ARSB: variants seen among roughly 807,000 people sequenced by gnomAD.
The protein encoded by ARSB is arylsulfatase B.
ARSB carries 41 observed loss-of-function variants against 50.9 expected under a neutral mutation model. That is an observed-to-expected ratio of 0.81 (90% CI 0.63 to 1.04). The LOEUF (loss-of-function observed/expected upper bound fraction) is 1.04. ARSB is among the 50% of genes least tolerant of loss of function. The pLI is 0.00. For missense variants in ARSB, 672 were observed against 693.3 expected (o/e 0.97, Z 0.35); for synonymous variants, 269 against 284.8 (o/e 0.94, Z 0.56).
At chr5:78,880,671 T>G (rs963629163) in intron 5 of ARSB, among the ~76,000 whole-genome samples, 1 of 152,200 alleles carries the variant, frequency 6.6e-6, no homozygotes, top group African/African-American at 2.4e-5. Context: ...ATTTTTACCA[T>G]GAAGTGGGCA....
chr5:78,872,915 G>A (rs554054749), intron 5 of ARSB, among the ~76,000 whole-genome samples: 1 of 151,458 alleles, frequency 6.6e-6, no homozygotes, highest in African/African-American at 2.4e-5. Context: ...GTAAATGAAA[G>A]TGTCCAAATC....
chr5:78,822,680 C>T (rs1407163322), intron 6 of ARSB, among the ~76,000 whole-genome samples: 2 of 152,166 alleles, frequency 1.3e-5, no homozygotes, highest in Non-Finnish European at 2.9e-5. Context: ...CTCTGTCACC[C>T]AGGCTGGAGT....
At chr5:78,881,700 A>G (rs1187348626) in intron 5 of ARSB, among the ~76,000 whole-genome samples, 1 of 152,262 alleles carries the variant, frequency 6.6e-6, no homozygotes, top group African/African-American at 2.4e-5. Flanking sequence ...GAAGATGAGC[A>G]CTTTCTACAC....
chr5:78,948,744 G>T (rs375840921), intron 4 of ARSB, among the ~76,000 whole-genome samples: 12 of 152,090 alleles, frequency 7.9e-5, no homozygotes, highest in African/African-American at 2.9e-4. Context: ...ATTCCTCCTA[G>T]TGAGGAGGAT....
chr5:78,855,142 C>A (rs559687204), intron 5 of ARSB, among the ~76,000 whole-genome samples: 1 of 152,290 alleles, frequency 6.6e-6, no homozygotes, highest in African/African-American at 2.4e-5. Flanking sequence ...TGCTCTGTTT[C>A]CCTGGGACAC....
chr5:78,931,691 A>G (rs1285079235), intron 4 of ARSB, among the ~76,000 whole-genome samples: 1 of 152,004 alleles, frequency 6.6e-6, no homozygotes, highest in Admixed American at 6.5e-5. Flanking sequence ...GACTCTACAA[A>G]ATTTCATTAT....
At position 78,853,539 on chromosome 5, in the gene ARSB, G is replaced by A. The variant is rs200403875; in HGVS notation, c.1143-14113C>T. On this transcript the variant is annotated intron_variant, in intron 5 of 7. Coordinates refer to ENST00000264914, the MANE Select transcript of ARSB (RefSeq NM_000046.5). ...ACCCACTTGAGGAGGCAGTCTGCCCGTTCTCAGATCTCCAGCTGCGTGCTG... is the reference window on the plus strand; with the variant it reads ...ACCCACTTGAGGAGGCAGTCTGCCCATTCTCAGATCTCCAGCTGCGTGCTG... Among the ~76,000 whole-genome samples, 44 of 152,332 alleles carry A rather than the reference G, an allele frequency of 2.9e-4. No homozygotes were observed. The East Asian group carries it at 3.9e-3, about 13-fold the overall frequency.
intron 4 of ARSB, among the ~76,000 whole-genome samples, chr5:78,907,476 C>G (rs778389663): frequency 7.2e-5 from 11 of 152,160 alleles, no homozygotes; most frequent in Non-Finnish European, 1.6e-4. Context: ...ATACAAAACT[C>G]TCAGTAACTG....
At chr5:78,896,874 TA>T (rs919855030) in intron 4 of ARSB, among the ~76,000 whole-genome samples, 2 of 151,750 alleles carry the variant, frequency 1.3e-5, no homozygotes, top group Non-Finnish European at 2.9e-5. Flanking sequence ...TATGTCTAAT[TA>T]AAAAAAATAA....
At chr5:78,974,497 T>C (rs1156324459) in intron 1 of ARSB, among the ~76,000 whole-genome samples, 2 of 152,152 alleles carry the variant, frequency 1.3e-5, no homozygotes, top group African/African-American at 2.4e-5. Flanking sequence ...TGAAGAAAGC[T>C]GAGGGAAAGG....
In ARSB at chr5:78,966,753, C is replaced by T. The variant is rs370369480; in HGVS notation, c.500-2147G>A. 7.2e-5 allele frequency among the ~76,000 whole-genome samples: 11 copies of T among 152,240 alleles called. No homozygotes were observed. The South Asian group carries it at 2.3e-3, about 32-fold the overall frequency. On this transcript the variant is annotated intron_variant, in intron 2 of 7. Coordinates refer to ENST00000264914, the MANE Select transcript of ARSB (RefSeq NM_000046.5). ...ACAATTCAAAATATCTACAGCCCATCCTCTTCCCAGAGTATAGATATTGAC... is the reference window on the plus strand; with the variant it reads ...ACAATTCAAAATATCTACAGCCCATTCTCTTCCCAGAGTATAGATATTGAC...
chr5:78,916,599 G>C (rs532789161), intron 4 of ARSB, among the ~76,000 whole-genome samples: 1 of 152,230 alleles, frequency 6.6e-6, no homozygotes, highest in East Asian at 1.9e-4. Flanking sequence ...ACATCAATTT[G>C]TTCTGCAGAT....
chr5:78,938,182 G>A (rs1750726163), intron 4 of ARSB, among the ~76,000 whole-genome samples: 1 of 152,208 alleles, frequency 6.6e-6, no homozygotes, highest in South Asian at 2.1e-4. Context: ...ACCATCCCCA[G>A]CCCTGGAACC....
intron 4 of ARSB, among the ~76,000 whole-genome samples, chr5:78,906,482 T>C (rs946553235): frequency 4.6e-5 from 7 of 152,204 alleles, no homozygotes; most frequent in Non-Finnish European, 2.9e-5. Context: ...CATAATTCCA[T>C]TGGCTCTTAG....
chr5:78,793,475 G>C lies in ARSB; in HGVS notation c.1214-11501C>G, dbSNP rs145154699. 4.1e-3 allele frequency among the ~76,000 whole-genome samples: 629 copies of C among 152,274 alleles called. 5 individuals are homozygous for C. The highest frequency in any genetic ancestry group is 0.014 in the African/African-American group (597 of 41,542). ...AATAGATTTTATAGCTAAATCAAAT[G>C]TTTATGAGCATGGATGTACGCAGTT... On this transcript the variant is annotated intron_variant, in intron 6 of 7. Transcript: ENST00000264914.
At chr5:78,799,100 A>G (rs749398027) in intron 6 of ARSB, among the ~76,000 whole-genome samples, 15 of 152,224 alleles carry the variant, frequency 9.9e-5, no homozygotes, top group South Asian at 4.1e-4. Flanking sequence ...TCTCTTTCCA[A>G]TGAAAACTGG....
At chr5:78,781,323 C>CTTTTTTTTTTTTTTTTT (rs376851173) in intron 7 of ARSB, among the ~76,000 whole-genome samples, 7 of 75,320 alleles carry the variant, frequency 9.3e-5, no homozygotes, top group African/African-American at 1.8e-4. Context: ...CTCTCTCTCT[C>CTTTTTTTTTTTTTTTTT]TTTTTTTTTT....
chr5:78,879,322 G>T (rs3098699), intron 5 of ARSB, among the ~76,000 whole-genome samples: 128,285 of 152,034 alleles, frequency 0.84, 56,560 homozygotes, highest in Non-Finnish European at 0.97. Context: ...GAATTGGAAA[G>T]AGCTTAGAGA....
intron 5 of ARSB, among the ~76,000 whole-genome samples, chr5:78,872,816 T>TA (rs56211605): frequency 0.43 from 55,319 of 127,848 alleles, 11,394 homozygotes; most frequent in East Asian, 0.72. Flanking sequence ...AAAGTATAAT[T>TA]AAAAAAAAAA....
Sources: gnomAD v4.1 joint callset for allele counts (sites outside exome capture counted in the v4.1 genomes callset) on GRCh38, gnomAD v4.1.1 for gene constraint, MANE v1.5 for transcripts, NCBI Gene and HGNC (gene_info 2026-07-23, HGNC 2026-07-21) for gene names.